Variants in EPB41L4A observed in about 807,000 individuals in gnomAD.
EPB41L4A encodes band 4.1-like protein 4A.
EPB41L4A carries 100 observed loss-of-function variants against 108.6 expected under a neutral mutation model. That is an observed-to-expected ratio of 0.92 (90% CI 0.78 to 1.09). EPB41L4A has a LOEUF of 1.09. Ranked by LOEUF, EPB41L4A falls within the 50% of genes least tolerant of loss-of-function variation. The pLI, the probability that EPB41L4A is intolerant of heterozygous loss-of-function variation, is 0.00. For synonymous variants in EPB41L4A, 319 were observed against 289.0 expected, an observed-to-expected ratio of 1.10 and a Z score of -1.05; for missense variants, 1,030 against 842.7, an observed-to-expected ratio of 1.22 and a Z score of -2.75.
chr5:112,154,741 T>C (rs1438334227), intron 12 of EPB41L4A, among the ~76,000 whole-genome samples: 1 of 152,186 alleles, frequency 6.6e-6, no homozygotes, highest in Admixed American at 6.5e-5. Context: ...TGATTCATCA[T>C]TGCTAAAGTG....
chr5:112,314,466 G>A (rs984422627), intron 1 of EPB41L4A, among the ~76,000 whole-genome samples: 4 of 124,398 alleles, frequency 3.2e-5, no homozygotes, highest in East Asian at 2.8e-4. Context: ...TCAGGAGTTC[G>A]ACACCTGCCT....
chr5:112,319,168 T>C (rs1240828333), intron 1 of EPB41L4A, among the ~76,000 whole-genome samples: 1 of 152,176 alleles, frequency 6.6e-6, no homozygotes, highest in Non-Finnish European at 1.5e-5. Context: ...GGAAACAGTG[T>C]TCAAATAATG....
At chr5:112,388,424 G>A (rs1055693454) in intron 1 of EPB41L4A, among the ~76,000 whole-genome samples, 3 of 152,092 alleles carry the variant, frequency 2.0e-5, no homozygotes, top group African/African-American at 7.2e-5. Flanking sequence ...AGCTAATGGA[G>A]GTTTTTAACT....
rs969950788 is a variant in EPB41L4A at position 112,170,463 on chromosome 5, T to G, written c.1671-94A>C. ...GCAGGTGAGTTTTCCCTTTCTAATC[T>G]TGTCCCAAAACAGTGTTAGTAAAAC... On this transcript the variant is annotated intron_variant, in intron 19 of 22. Transcript: ENST00000261486. 7.3e-6 allele frequency: 6 copies of G among 819,914 alleles called. No individual in the cohort carries two copies. In the South Asian group the frequency reaches 9.5e-5, roughly 13 times the overall value. 50.8% of individuals were successfully genotyped at this position (819,914 alleles called of 1,614,324 possible).
chr5:112,180,072 C>G (rs1230310243), intron 18 of EPB41L4A, among the ~76,000 whole-genome samples: 1 of 152,066 alleles, frequency 6.6e-6, no homozygotes, highest in Non-Finnish European at 1.5e-5. Flanking sequence ...AAATAAATTA[C>G]TCCGTACTGA....
intron 17 of EPB41L4A, among the ~76,000 whole-genome samples, chr5:112,188,709 C>A (rs1009417254): frequency 2.0e-5 from 3 of 152,160 alleles, no homozygotes; most frequent in African/African-American, 7.2e-5. Flanking sequence ...AAAATTTTTA[C>A]CTCGTTTGCA....
chr5:112,289,347 G>A (rs764324024), intron 2 of EPB41L4A, among the ~76,000 whole-genome samples: 3 of 152,088 alleles, frequency 2.0e-5, no homozygotes, highest in Non-Finnish European at 4.4e-5. Flanking sequence ...AAGGAGAGTG[G>A]GTTAAAGTAA....
chr5:112,377,209 T>C (rs992869729), intron 1 of EPB41L4A, among the ~76,000 whole-genome samples: 1 of 144,540 alleles, frequency 6.9e-6, no homozygotes, highest in Non-Finnish European at 1.5e-5. Flanking sequence ...TGTTGTCTGT[T>C]TGTTTGAAAA....
At chr5:112,305,006 C>A (rs190508410) in intron 2 of EPB41L4A, among the ~76,000 whole-genome samples, 17 of 152,216 alleles carry the variant, frequency 1.1e-4, no homozygotes, top group African/African-American at 3.6e-4. Flanking sequence ...TTCCTTCCAG[C>A]CTCTAATTAA....
intron 7 of EPB41L4A, among the ~76,000 whole-genome samples, chr5:112,261,222 T>C (rs867499467): frequency 2.6e-5 from 4 of 152,210 alleles, no homozygotes; most frequent in Admixed American, 2.6e-4. Flanking sequence ...CCACAATCTA[T>C]AGCTTTTATT....
chr5:112,384,775 G>A (rs906284135), intron 1 of EPB41L4A, among the ~76,000 whole-genome samples: 1 of 146,648 alleles, frequency 6.8e-6, no homozygotes, highest in African/African-American at 2.7e-5. Flanking sequence ...CGGAAGGAAG[G>A]AAGGAAGGAG....
At chr5:112,190,578 CAGTG>C (rs1266608803) in intron 17 of EPB41L4A, among the ~76,000 whole-genome samples, 6 of 152,186 alleles carry the variant, frequency 3.9e-5, no homozygotes, top group Non-Finnish European at 8.8e-5. Context: ...GATGCCGTAG[CAGTG>C]AGTAACTCTG....
intron 16 of EPB41L4A, among the ~76,000 whole-genome samples, chr5:112,195,443 TA>T: frequency 6.6e-6 from 1 of 151,118 alleles, no homozygotes; most frequent in Non-Finnish European, 1.5e-5. Context: ...TGGCAACAGA[TA>T]AATAAGACAG....
chr5:112,365,415 T>C (rs1299997528), intron 1 of EPB41L4A, among the ~76,000 whole-genome samples: 1 of 152,210 alleles, frequency 6.6e-6, no homozygotes, highest in Non-Finnish European at 1.5e-5. Flanking sequence ...GGAAAAAGTA[T>C]GTAAAGGTTT....
chr5:112,308,767 G>C lies in EPB41L4A; in HGVS notation c.100-1277C>G, dbSNP rs115628297. Among the ~76,000 whole-genome samples the C allele has an allele frequency of 7.2e-3, 1,092 of 152,236 alleles. 9 individuals are homozygous for C. Among genetic ancestry groups the C allele is most frequent in the African/African-American group, 0.025 (1,049 of 41,540 alleles). ...GTGAAATTACTCATCTGAAGGATAT[G>C]TATACTCATAATTACAGTGGGCACT... On this transcript the variant is annotated intron_variant, in intron 1 of 22. Coordinates refer to ENST00000261486, the MANE Select transcript of EPB41L4A (RefSeq NM_022140.5).
chr5:112,399,864 A>T (rs892403503), intron 1 of EPB41L4A, among the ~76,000 whole-genome samples: 3 of 152,148 alleles, frequency 2.0e-5, no homozygotes, highest in African/African-American at 7.2e-5. Context: ...ACCCCCTTTG[A>T]CTAATCCTTC....
chr5:112,180,424 C>G (rs1460875502), intron 18 of EPB41L4A, among the ~76,000 whole-genome samples: 1 of 151,978 alleles, frequency 6.6e-6, no homozygotes, highest in Non-Finnish European at 1.5e-5. Flanking sequence ...TGTGAGCAGT[C>G]AATTCACTTT....
intron 1 of EPB41L4A, among the ~76,000 whole-genome samples, chr5:112,354,575 C>T (rs1238641663): frequency 2.0e-5 from 3 of 152,192 alleles, no homozygotes; most frequent in Admixed American, 1.3e-4. Flanking sequence ...CAACCCCCAC[C>T]TTACCTCGCT....
At chr5:112,347,184 A>G (rs1232608667) in intron 1 of EPB41L4A, among the ~76,000 whole-genome samples, 1 of 152,226 alleles carries the variant, frequency 6.6e-6, no homozygotes, top group East Asian at 1.9e-4. Flanking sequence ...ATGCACGCAC[A>G]CACACATGCA....
Sources: gnomAD v4.1 joint callset for allele counts (sites outside exome capture counted in the v4.1 genomes callset) on GRCh38, gnomAD v4.1.1 for gene constraint, MANE v1.5 for transcripts, NCBI Gene and HGNC (gene_info 2026-07-23, HGNC 2026-07-21) for gene names.